RFX3: variants seen among roughly 807,000 people sequenced by gnomAD.
RFX3 encodes the protein transcription factor RFX3.
Under a neutral mutation model 98.6 loss-of-function variants are expected in RFX3, and 14 were observed. That is an observed-to-expected ratio of 0.14 (90% confidence interval 0.09 to 0.22). The LOEUF (loss-of-function observed/expected upper bound fraction) is 0.22, where lower values mean the gene tolerates loss of function less well. Among genes scored for constraint, RFX3 ranks in the 10% least tolerant of loss-of-function variants. RFX3 has a pLI of 1.00. For synonymous variants in RFX3, 383 were observed against 328.4 expected, an observed-to-expected ratio of 1.17 and a Z score of -1.80; for missense variants, 639 against 926.9, an observed-to-expected ratio of 0.69 and a Z score of 4.03.
intron 2 of RFX3, among the ~76,000 whole-genome samples, chr9:3,360,597 C>T (rs1181453062): frequency 6.6e-6 from 1 of 152,048 alleles, no homozygotes; most frequent in Non-Finnish European, 1.5e-5. Flanking sequence ...AAAAACTTAA[C>T]ACTCTCTTAC....
At chr9:3,238,692 T>C (rs543121682) in intron 15 of RFX3, among the ~76,000 whole-genome samples, 4 of 152,316 alleles carry the variant, frequency 2.6e-5, no homozygotes, top group African/African-American at 9.6e-5. Context: ...AAATAATATA[T>C]AGCTCTGCAA....
intron 7 of RFX3, among the ~76,000 whole-genome samples, chr9:3,286,237 T>C (rs375519635): frequency 1.3e-5 from 2 of 151,808 alleles, no homozygotes; most frequent in Non-Finnish European, 3.0e-5. Context: ...CATTAACAGA[T>C]GCAAAAAGCA....
intron 4 of RFX3, chr9:3,323,999 G>C (rs1831601766): frequency 2.3e-6 from 1 of 431,034 alleles, no homozygotes; most frequent in South Asian, 1.7e-5. Flanking sequence ...CTTTGAAAAT[G>C]AGGCCCAGAA....
rs374711123 is a variant in RFX3, at chr9:3,372,635, C to T, written c.117+22837G>A. Among the ~76,000 whole-genome samples the T allele has an allele frequency of 4.6e-5, 7 of 151,042 alleles. No homozygotes were observed. In the East Asian group the frequency reaches 9.7e-4, roughly 21 times the overall value. ...TGATCTTGGCTCACTGCAACCTCTG[C>T]CCCCCAGGTTTGAGAGATTCTCCTG... is the stretch of plus-strand genomic sequence containing the variant. On this transcript the variant is annotated intron_variant, in intron 2 of 16. Transcript: ENST00000617270.
intron 1 of RFX3, among the ~76,000 whole-genome samples, chr9:3,436,339 T>C (rs1241761154): frequency 6.6e-6 from 1 of 152,042 alleles, no homozygotes; most frequent in Non-Finnish European, 1.5e-5. Context: ...TAAAAGAACA[T>C]ACAGAAGCAA....
At chr9:3,475,720 T>C (rs1364669285) in intron 1 of RFX3, among the ~76,000 whole-genome samples, 2 of 152,196 alleles carry the variant, frequency 1.3e-5, no homozygotes, top group Non-Finnish European at 2.9e-5. Context: ...GAAAGTGGAC[T>C]AGGAGGGTGA....
At chr9:3,275,791 A>G (rs2131399510) in intron 8 of RFX3, among the ~76,000 whole-genome samples, 179 bp from the exon 9 acceptor site, 1 of 152,224 alleles carries the variant, frequency 6.6e-6, no homozygotes, top group East Asian at 1.9e-4. Context: ...CATCAGCACA[A>G]AATATAAAAC....
At chr9:3,324,523 A>T (rs1025131162) in intron 4 of RFX3, among the ~76,000 whole-genome samples, 6 of 151,922 alleles carry the variant, frequency 3.9e-5, no homozygotes, top group Non-Finnish European at 7.4e-5. Context: ...TGAAACAAAA[A>T]GTCTCCAAGA....
intron 3 of RFX3, among the ~76,000 whole-genome samples, chr9:3,341,451 A>G (rs1255417134): frequency 6.6e-6 from 1 of 152,262 alleles, no homozygotes; most frequent in South Asian, 2.1e-4. Context: ...AAGGTCATCA[A>G]TGACCTTGAT....
intron 1 of RFX3, among the ~76,000 whole-genome samples, chr9:3,415,909 A>C (rs1842941425): frequency 6.6e-6 from 1 of 152,172 alleles, no homozygotes; most frequent in South Asian, 2.1e-4. Context: ...AGCCTTCCTG[A>C]AGTTTTATTC....
chr9:3,510,149 G>C (rs1012869459), intron 1 of RFX3, among the ~76,000 whole-genome samples: 8 of 151,950 alleles, frequency 5.3e-5, no homozygotes, highest in African/African-American at 1.7e-4. Flanking sequence ...TGCAGGGCCA[G>C]ACATAGTAAA....
intron 1 of RFX3, among the ~76,000 whole-genome samples, chr9:3,494,049 A>AGTAAT (rs1442285670): frequency 1.3e-5 from 2 of 152,132 alleles, no homozygotes; most frequent in African/African-American, 4.8e-5. Context: ...GCAGTCAACA[A>AGTAAT]GTAATTAATC....
In RFX3 at chr9:3,227,663, C is replaced by T. The variant is rs182989541; in HGVS notation, c.2011+1184G>A. On this transcript the variant is annotated intron_variant, in intron 16 of 16. Coordinates refer to ENST00000617270, the MANE Select transcript of RFX3 (RefSeq NM_001282116.2). The stretch of plus-strand genomic sequence containing the variant: ...AAATCCCTAAATTTGGGTTATGAGG[C>T]TTTGGTGTGAGTATATCATCAGTGT... Among the ~76,000 whole-genome samples, 510 of 152,268 alleles carry T rather than the reference C, an allele frequency of 3.3e-3. 1 individual carries two copies. Among genetic ancestry groups the T allele is most frequent in the African/African-American group, 0.012 (479 of 41,552 alleles).
At chr9:3,485,775 G>C (rs887466018) in intron 1 of RFX3, among the ~76,000 whole-genome samples, 5 of 152,076 alleles carry the variant, frequency 3.3e-5, no homozygotes, top group African/African-American at 1.2e-4. Flanking sequence ...ACATTTCCAA[G>C]CAATTAGCAT....
chr9:3,342,674 A>G (rs1834022141), intron 3 of RFX3, among the ~76,000 whole-genome samples: 1 of 152,168 alleles, frequency 6.6e-6, no homozygotes, highest in Non-Finnish European at 1.5e-5. Flanking sequence ...TTATTTTAAA[A>G]AAAAACTTCT....
chr9:3,241,823 C>A (rs1819967600), intron 15 of RFX3, among the ~76,000 whole-genome samples: 2 of 152,094 alleles, frequency 1.3e-5, no homozygotes, highest in African/African-American at 4.8e-5. Flanking sequence ...GACTAATATT[C>A]CATTTAGTTT....
chr9:3,271,029 A>G lies in RFX3; in HGVS notation c.1176T>C (p.Thr392=). 6.2e-7 allele frequency: 1 copy of G among 1,613,726 alleles called. No homozygotes were observed. Among genetic ancestry groups the G allele is most frequent in the Non-Finnish European group, 8.5e-7 (1 of 1,179,682 alleles). The part of the protein sequence containing the change: ...TFWRYSPSTP[T]DGTTITESSN... ...TCGATTCGGTAATGGTAGTGCCATCAGTTGGAGTAGAGGGAGAATAGCGCC... is the reference window on the plus strand; with the variant it reads ...TCGATTCGGTAATGGTAGTGCCATCGGTTGGAGTAGAGGGAGAATAGCGCC... Residue 392 remains threonine, a synonymous_variant, in exon 10 of 17, where the codon ACT becomes ACC. Coordinates refer to ENST00000617270, the MANE Select transcript of RFX3 (RefSeq NM_001282116.2).
At chr9:3,367,779 T>G (rs571340463) in intron 2 of RFX3, among the ~76,000 whole-genome samples, 30 of 152,250 alleles carry the variant, frequency 2.0e-4, no homozygotes, top group Admixed American at 1.5e-3. Context: ...AAGGCTTTGG[T>G]GAAATACAAG....
intron 2 of RFX3, among the ~76,000 whole-genome samples, chr9:3,370,866 C>T (rs1837763500): frequency 6.6e-6 from 1 of 152,088 alleles, no homozygotes. Flanking sequence ...GGTGTTTCCT[C>T]TCAGAAAACT....
Sources: gnomAD v4.1 joint callset for allele counts (sites outside exome capture counted in the v4.1 genomes callset) on GRCh38, gnomAD v4.1.1 for gene constraint, MANE v1.5 for transcripts, NCBI Gene and HGNC (gene_info 2026-07-23, HGNC 2026-07-21) for gene names.